PNPLA7: variants seen among roughly 807,000 people sequenced by gnomAD.
PNPLA7 encodes patatin like domain 7, lysophospholipase, also known as patatin-like phospholipase domain-containing protein 7.
PNPLA7 carries 153 observed loss-of-function variants against 161.7 expected under a neutral mutation model. The ratio of observed to expected loss-of-function variants is 0.95; its 90% confidence interval spans 0.83 to 1.08. The LOEUF (loss-of-function observed/expected upper bound fraction) is 1.08. PNPLA7 is among the 50% of genes least tolerant of loss of function. The pLI, the probability that PNPLA7 is intolerant of heterozygous loss-of-function variation, is 0.00. For missense variants in PNPLA7, 1,739 were observed against 1,856.6 expected (o/e 0.94, Z 1.16); for synonymous variants, 809 against 782.1 (o/e 1.03, Z -0.57).
Position 137,478,141 on chromosome 9 carries a change from G to A in PNPLA7, c.2775C>T (p.Tyr925=), listed in dbSNP as rs147016602. 2 of 1,320,118 alleles carry A rather than the reference G, an allele frequency of 1.5e-6. No homozygotes were observed. Among genetic ancestry groups the A allele is most frequent in the Admixed American group, 4.0e-5 (1 of 24,978 alleles). The allele number at this position is 1,320,118 out of a possible 1,614,324, so 81.8% of individuals were successfully genotyped here. A position where few individuals can be genotyped will look rare whatever the true frequency, so the allele number is the denominator to read the frequency against. The change falls in exon 25 of 35, where the codon TAC becomes TAT. Residue 925 remains tyrosine, a synonymous_variant. Transcript: ENST00000406427. ...CCGGGGGCCGCTGGAAGACATGCTTGTACATCTCCACCTGGGGGAGGAGCC... is the reference window on the plus strand; with the variant it reads ...CCGGGGGCCGCTGGAAGACATGCTTATACATCTCCACCTGGGGGAGGAGCC... ...RRSLPKLVEM[Y]KHVFQRPPDR...
At chr9:137,508,207 T>C (rs1481549227) in intron 12 of PNPLA7, among the ~76,000 whole-genome samples, 1 of 151,674 alleles carries the variant, frequency 6.6e-6, no homozygotes, top group Non-Finnish European at 1.5e-5. Context: ...GCCTGGGCCA[T>C]GGAGCAAGGC....
At chr9:137,471,791 C>T (rs1031193223) in intron 25 of PNPLA7, among the ~76,000 whole-genome samples, 3 of 151,940 alleles carry the variant, frequency 2.0e-5, no homozygotes, top group African/African-American at 2.4e-5. Context: ...ATGTTGTCGA[C>T]TAATGATGTA....
At chr9:137,492,906 C>A in intron 20 of PNPLA7, 107 bp downstream of exon 20, 1 of 746,692 alleles carries the variant, frequency 1.3e-6, no homozygotes, top group South Asian at 1.7e-5. Context: ...GGCTCCAGGA[C>A]AGGGCGGGGC....
At position 137,478,007 on chromosome 9, in the gene PNPLA7, G is replaced by C. The variant is rs1337489453; in HGVS notation, c.2882+27C>G. ...GACTGTCACCACACACACCAGTGAG[G>C]AGTGTGTAGGAAGCGGGGGGACTCA... is the stretch of plus-strand genomic sequence containing the variant. On this transcript the variant is annotated intron_variant, in intron 25 of 34. Coordinates refer to ENST00000406427, the MANE Select transcript of PNPLA7 (RefSeq NM_001098537.3). The C allele has an allele frequency of 4.3e-6, 6 of 1,387,512 alleles. No individual in the cohort carries two copies. In the South Asian group the frequency reaches 1.0e-4, roughly 24 times the overall value. 86.0% of individuals were successfully genotyped at this position (1,387,512 alleles called of 1,614,324 possible). A position where few individuals can be genotyped will look rare whatever the true frequency, so the allele number is the denominator to read the frequency against.
rs1049328326 is a variant in PNPLA7 at position 137,540,071 on chromosome 9, A to C, written c.747+571T>G. ...AGTGCTGGGATTACAGGTGTGAGCC[A>C]CTGCGCCCGGCCCGGCAGCACCTTT... On this transcript the variant is annotated intron_variant, in intron 8 of 34. Coordinates refer to ENST00000406427, the MANE Select transcript of PNPLA7 (RefSeq NM_001098537.3). The surrounding 1 kb of genome is among the most constrained non-coding windows in gnomAD (Gnocchi z 5.1). 1.3e-5 allele frequency among the ~76,000 whole-genome samples: 2 copies of C among 152,224 alleles called. No individual in the cohort carries two copies. Among genetic ancestry groups the C allele is most frequent in the African/African-American group, 4.8e-5 (2 of 41,472 alleles).
intron 32 of PNPLA7, 21 bp downstream of exon 32, chr9:137,461,910 G>T (rs1292611413): frequency 6.5e-7 from 1 of 1,530,558 alleles, no homozygotes. Flanking sequence ...AGCTGGGCGT[G>T]GTCCGGACGC....
intron 22 of PNPLA7, 146 bp from the exon 23 acceptor site, chr9:137,480,626 G>T: frequency 2.1e-6 from 2 of 950,902 alleles, no homozygotes; most frequent in Non-Finnish European, 3.1e-6. Context: ...TCGCTAGTTC[G>T]CAGTGAGTTA....
chr9:137,474,515 C>T (rs947428253), intron 25 of PNPLA7, among the ~76,000 whole-genome samples: 10 of 152,126 alleles, frequency 6.6e-5, no homozygotes, highest in Admixed American at 2.6e-4. Context: ...TTCTCAGGAG[C>T]GCGAGGCAGC....
At position 137,522,652 on chromosome 9, in the gene PNPLA7, C is replaced by T. The variant is rs139557644; in HGVS notation, c.876+77G>A. The T allele has an allele frequency of 3.9e-6, 6 of 1,537,226 alleles. No homozygotes were observed. In the African/African-American group the frequency reaches 4.1e-5, roughly 11 times the overall value. ...AAAGTAAGTGGGCAATAAACCCACTCAAATCCCAAACCAGTGCCCAGGCCC... is the reference window on the plus strand; with the variant it reads ...AAAGTAAGTGGGCAATAAACCCACTTAAATCCCAAACCAGTGCCCAGGCCC... On this transcript the variant is annotated intron_variant, in intron 9 of 34. Coordinates refer to ENST00000406427, the MANE Select transcript of PNPLA7 (RefSeq NM_001098537.3).
chr9:137,525,730 G>A (rs903294858), intron 8 of PNPLA7, among the ~76,000 whole-genome samples: 4 of 147,794 alleles, frequency 2.7e-5, no homozygotes, highest in South Asian at 2.2e-4. Flanking sequence ...TTAGGCCTCC[G>A]GATGGCTGCG....
At chr9:137,502,881 A>C (rs573975178) in intron 14 of PNPLA7, among the ~76,000 whole-genome samples, 51 of 151,706 alleles carry the variant, frequency 3.4e-4, no homozygotes, top group Non-Finnish European at 1.8e-4. Flanking sequence ...GTTAGAGATG[A>C]ATCCTGAAAT....
intron 18 of PNPLA7, among the ~76,000 whole-genome samples, chr9:137,496,692 C>T (rs1434164137): frequency 2.0e-5 from 3 of 152,102 alleles, no homozygotes; most frequent in Non-Finnish European, 4.4e-5. Context: ...GCCTGGGCAA[C>T]AAGAGTGAAA....
chr9:137,461,517 G>A lies in PNPLA7; in HGVS notation c.3841+19C>T, dbSNP rs747712113. On this transcript the variant is annotated intron_variant, in intron 33 of 34. Coordinates refer to ENST00000406427, the MANE Select transcript of PNPLA7 (RefSeq NM_001098537.3). Reference sequence around the variant, plus strand: ...AGGTCACGCACGTCTCCACGGCTTCGTCTTGCGCCTCCACTCACCATCCAC... The same window carrying A: ...AGGTCACGCACGTCTCCACGGCTTCATCTTGCGCCTCCACTCACCATCCAC... 8 of 1,606,022 alleles carry A rather than the reference G, an allele frequency of 5.0e-6. No individual in the cohort carries two copies. The highest frequency in any genetic ancestry group is 6.0e-6 in the Non-Finnish European group (7 of 1,174,776).
intron 11 of PNPLA7, among the ~76,000 whole-genome samples, chr9:137,516,749 T>C (rs1004178914): frequency 6.6e-6 from 1 of 151,794 alleles, no homozygotes; most frequent in Non-Finnish European, 1.5e-5. Context: ...GCCAGTGACA[T>C]GGGGGTGGCA....
At chr9:137,510,184 C>A (rs534082417) in intron 12 of PNPLA7, among the ~76,000 whole-genome samples, 4 of 152,170 alleles carry the variant, frequency 2.6e-5, no homozygotes, top group Admixed American at 1.3e-4. Context: ...CTTAGCAGAC[C>A]GGGAAAGGGA....
In PNPLA7 at chr9:137,479,310, A is replaced by G; in HGVS notation, c.2581-72T>C. On this transcript the variant is annotated intron_variant, in intron 23 of 34. Coordinates refer to ENST00000406427, the MANE Select transcript of PNPLA7 (RefSeq NM_001098537.3). ...TCGGGACAGGACGGAGCTGAAGGCC[A>G]GCACAGAGGGTCTGAGGGCAGGACC... 5 of 1,421,566 alleles carry G rather than the reference A, an allele frequency of 3.5e-6. No homozygotes were observed. The African/African-American group carries it at 4.3e-5, about 12-fold the overall frequency. The allele number at this position is 1,421,566 out of a possible 1,614,324, so 88.1% of individuals were successfully genotyped here.
chr9:137,505,700 G>T lies in PNPLA7; in HGVS notation c.1387C>A (p.His463Asn). ...CTGCTGGCCAGGGTCTCATCCGTGT[G>T]ACTCTCTGAGTGCTGGGAGACCGTG... is the stretch of plus-strand genomic sequence containing the variant. ...PSTVSQHSES[H>N]TDETLASRKS... Residue 463 changes from histidine (H) to asparagine (N), a missense_variant, in exon 14 of 35, where the codon CAC becomes AAC. His to Asn is a moderately conservative substitution (Grantham distance 68). Around this residue, in one of 6 missense-constraint regions of PNPLA7, gnomAD observed 481 missense variants for 450.0 expected, o/e 1.07. Transcript: ENST00000406427. The T allele has an allele frequency of 6.2e-7, 1 of 1,614,148 alleles. No homozygotes were observed. The highest frequency in any genetic ancestry group is 8.5e-7 in the Non-Finnish European group (1 of 1,180,034).
At chr9:137,517,748 G>A (rs1331432459) in intron 11 of PNPLA7, among the ~76,000 whole-genome samples, 1 of 22,172 alleles carries the variant, frequency 4.5e-5, no homozygotes, top group Non-Finnish European at 7.4e-5. Flanking sequence ...TCCATCCCCC[G>A]TCACTCACTC....
intron 28 of PNPLA7, 101 bp downstream of exon 28, chr9:137,464,025 T>C: frequency 1.5e-6 from 2 of 1,306,406 alleles, no homozygotes; most frequent in Non-Finnish European, 2.1e-6. Context: ...TCTGCATCCT[T>C]CAGGAGACCC....
Sources: allele counts gnomAD v4.1 joint callset (sites outside exome capture counted in the v4.1 genomes callset), GRCh38; gene constraint gnomAD v4.1.1; regional missense constraint gnomAD v4.1.1; non-coding constraint Gnocchi (gnomAD v3.1); transcripts MANE v1.5; gene names NCBI Gene and HGNC (gene_info 2026-07-23, HGNC 2026-07-21).